The following SEC23IP variants were observed in gnomAD, a reference collection of about 807,000 sequenced individuals.
The protein encoded by SEC23IP is SEC23 interacting protein, also known as SEC23-interacting protein.
In SEC23IP, 70 loss-of-function variants were observed where a neutral mutation model predicts 113.4. The ratio of observed to expected loss-of-function variants is 0.62; its 90% CI spans 0.51 to 0.75. SEC23IP has a LOEUF of 0.75. SEC23IP is among the 30% of genes least tolerant of loss of function. The pLI is 0.00. For synonymous variants in SEC23IP, 398 were observed against 421.0 expected, an observed-to-expected ratio of 0.95 and a Z score of 0.67; for missense variants, 1,160 against 1,204.9, an observed-to-expected ratio of 0.96 and a Z score of 0.55.
chr10:119,904,115 C>T lies in SEC23IP; in HGVS notation c.939C>T (p.Gly313=). 6.2e-7 allele frequency: 1 copy of T among 1,614,158 alleles called. No homozygotes were observed. Among genetic ancestry groups the T allele is most frequent in the South Asian group, 1.1e-5 (1 of 91,086 alleles). The change falls in exon 4 of 19, where the codon GGC becomes GGT. Residue 313 remains glycine (G), a synonymous_variant. Transcript: ENST00000369075. ...VQPDPESVVL[G]TDGGRYDVYL... ...CAGATCCGGAGAGCGTGGTTCTTGG[C>T]ACGGATGGAGGGCGCTACGATGTTT...
At chr10:119,921,089 C>A in intron 12 of SEC23IP, 105 bp downstream of exon 12, 1 of 756,028 alleles carries the variant, frequency 1.3e-6, no homozygotes, top group Non-Finnish European at 2.2e-6. Flanking sequence ...AGCTAGTTTG[C>A]TCCCTACCTA....
chr10:119,895,587 C>T (rs1854252341), intron 1 of SEC23IP, among the ~76,000 whole-genome samples: 1 of 152,172 alleles, frequency 6.6e-6, no homozygotes, highest in Non-Finnish European at 1.5e-5. Flanking sequence ...CTACGGGTAT[C>T]AGGCTGGCTG....
rs139925951 is a variant in SEC23IP at position 119,912,097 on chromosome 10, A to G, written c.1245A>G (p.Gln415=). The G allele has an allele frequency of 8.0e-5, 129 of 1,614,048 alleles. No individual in the cohort carries two copies. The highest frequency in any genetic ancestry group is 1.0e-4 in the Non-Finnish European group (120 of 1,180,014). Residue 415 remains glutamine (Q), a synonymous_variant, in exon 6 of 19, where the codon CAA becomes CAG. Coordinates refer to ENST00000369075, the MANE Select transcript of SEC23IP (RefSeq NM_007190.4). ...SSVPDEWGTT[Q]DGQTRPRVVK... is the part of the protein sequence containing the mutation. ...TGCCAGATGAATGGGGCACCACGCA[A>G]GATGGACAGACAAGGCCCAGGGTTG...
chr10:119,942,964 T>A lies in SEC23IP; in HGVS notation c.*2399T>A, dbSNP rs1564931692. On this transcript the variant is annotated 3_prime_UTR_variant, in exon 19 of 19. Coordinates refer to ENST00000369075, the MANE Select transcript of SEC23IP (RefSeq NM_007190.4). The stretch of plus-strand genomic sequence containing the variant: ...TGAAAAGGAGGAGATGCCGCTATCT[T>A]GGCAGGGATGATCATGTATTTGAAA... 1 of 152,190 alleles carries A rather than the reference T, an allele frequency of 6.6e-6. No individual in the cohort carries two copies. The highest frequency in any genetic ancestry group is 1.5e-5 in the Non-Finnish European group (1 of 68,036). The allele number at this position is 152,190 out of a possible 1,614,324, so 9.4% of individuals were successfully genotyped here.
In SEC23IP at chr10:119,898,408, C is replaced by T; in HGVS notation, c.164-19C>T. 1.3e-6 allele frequency: 2 copies of T among 1,594,372 alleles called. No individual in the cohort carries two copies. Among genetic ancestry groups the T allele is most frequent in the East Asian group, 2.2e-5 (1 of 44,742 alleles). On this transcript the variant is annotated intron_variant, in intron 1 of 18. Coordinates refer to ENST00000369075, the MANE Select transcript of SEC23IP (RefSeq NM_007190.4). Reference sequence around the variant, plus strand: ...GATAGAGTACCCTTTAAACCACATGCTCTCCTGTTCCATTTCAGAGGATTC... The same window carrying T: ...GATAGAGTACCCTTTAAACCACATGTTCTCCTGTTCCATTTCAGAGGATTC...
chr10:119,901,868 G>A (rs955366065), intron 2 of SEC23IP, among the ~76,000 whole-genome samples: 1 of 152,012 alleles, frequency 6.6e-6, no homozygotes, highest in African/African-American at 2.4e-5. Context: ...TGTATTTTTA[G>A]TGGAGACAGG....
intron 2 of SEC23IP, among the ~76,000 whole-genome samples, chr10:119,900,270 C>A (rs912093079): frequency 6.8e-6 from 1 of 146,174 alleles, no homozygotes; most frequent in Non-Finnish European, 1.5e-5. Context: ...TGTATATGTA[C>A]GTGTGTGTGT....
chr10:119,936,940 T>G (rs1232629375), intron 18 of SEC23IP, among the ~76,000 whole-genome samples: 1 of 151,964 alleles, frequency 6.6e-6, no homozygotes, highest in Non-Finnish European at 1.5e-5. Flanking sequence ...CAGGCTGTAG[T>G]GCAGTGGCGT....
chr10:119,923,578 T>A (rs572094056), intron 12 of SEC23IP, among the ~76,000 whole-genome samples: 78 of 151,938 alleles, frequency 5.1e-4, no homozygotes, highest in African/African-American at 1.8e-3. Context: ...AAAGGGAGTC[T>A]TGCTTTGTCT....
At chr10:119,905,512 G>A (rs949650481) in intron 4 of SEC23IP, among the ~76,000 whole-genome samples, 2 of 152,152 alleles carry the variant, frequency 1.3e-5, no homozygotes, top group Non-Finnish European at 2.9e-5. Flanking sequence ...CTTTTGTTCG[G>A]CTTCTTCCAG....
chr10:119,929,575 A>G (rs777539211), intron 13 of SEC23IP, 32 bp from the exon 14 acceptor site: 9 of 1,585,646 alleles, frequency 5.7e-6, no homozygotes, highest in South Asian at 2.2e-5. Context: ...CATTGGAACA[A>G]TCATCTTTCA....
At chr10:119,930,247 T>C in intron 14 of SEC23IP, 82 bp from the exon 15 acceptor site, 1 of 689,936 alleles carries the variant, frequency 1.4e-6, no homozygotes, top group Non-Finnish European at 2.4e-6. Context: ...CATGTATCCA[T>C]TTTCTTACCC....
At position 119,933,673 on chromosome 10, in the gene SEC23IP, T is replaced by C. The variant is rs779968471; in HGVS notation, c.2922-13T>C. The C allele has an allele frequency of 7.0e-7, 1 of 1,422,550 alleles. No individual in the cohort carries two copies. The highest frequency in any genetic ancestry group is 1.2e-5 in the South Asian group (1 of 85,698). The allele number at this position is 1,422,550 out of a possible 1,614,324, so 88.1% of individuals were successfully genotyped here. On this transcript the variant is annotated splice_polypyrimidine_tract_variant and intron_variant, in intron 17 of 18. Coordinates refer to ENST00000369075, the MANE Select transcript of SEC23IP (RefSeq NM_007190.4). ...AATTGTCTCTTAAGTAAATATGCTT[T>C]TCCTTTTCATAGGGAATCTGAAGAT... is the stretch of plus-strand genomic sequence containing the variant.
At position 119,943,319 on chromosome 10, in the gene SEC23IP, A is replaced by G. The variant is rs909110675; in HGVS notation, c.*2754A>G. 2.0e-5 allele frequency: 3 copies of G among 152,216 alleles called. No homozygotes were observed. Among genetic ancestry groups the G allele is most frequent in the Non-Finnish European group, 4.4e-5 (3 of 68,064 alleles). The allele number at this position is 152,216 out of a possible 1,614,324, so 9.4% of individuals were successfully genotyped here. A position where few individuals can be genotyped will look rare whatever the true frequency, so the allele number is the denominator to read the frequency against. On this transcript the variant is annotated 3_prime_UTR_variant, in exon 19 of 19. Coordinates refer to ENST00000369075, the MANE Select transcript of SEC23IP (RefSeq NM_007190.4). ...TTCCTCTATGAGCTGGGGTGCTGACATTGTGTTCCTGCTGTTGACTGTCCC... is the reference window on the plus strand; with the variant it reads ...TTCCTCTATGAGCTGGGGTGCTGACGTTGTGTTCCTGCTGTTGACTGTCCC...
In SEC23IP at chr10:119,898,491, C is replaced by T. The variant is rs1469617019; in HGVS notation, c.228C>T (p.Ala76=). ...FLGQTSIHTS[A]PQTFSYFSQV... ...GTCAGACTTCTATTCACACATCTGC[C>T]CCACAGACATTTAGTTACTTCTCTC... Residue 76 remains alanine (A), a synonymous_variant, in exon 2 of 19, where the codon GCC becomes GCT. Transcript: ENST00000369075. The T allele has an allele frequency of 1.2e-6, 2 of 1,614,076 alleles. No homozygotes were observed. The highest frequency in any genetic ancestry group is 3.3e-5 in the Admixed American group (2 of 60,010).
At chr10:119,903,319 G>A (rs1357075668) in intron 3 of SEC23IP, among the ~76,000 whole-genome samples, 1 of 152,186 alleles carries the variant, frequency 6.6e-6, no homozygotes, top group Non-Finnish European at 1.5e-5. Context: ...TTTATAAAGG[G>A]CATTCTGTGG....
intron 10 of SEC23IP, 96 bp from the exon 11 acceptor site, chr10:119,919,348 G>T: frequency 2.5e-6 from 3 of 1,183,546 alleles, no homozygotes; most frequent in Non-Finnish European, 3.5e-6. Flanking sequence ...TGATTTCTGT[G>T]TAAAGCAAAA....
Position 119,919,479 on chromosome 10 carries a change from G to A in SEC23IP, c.1908G>A (p.Ser636=), listed in dbSNP as rs145297605. The A allele has an allele frequency of 1.4e-4, 233 of 1,612,124 alleles. No individual in the cohort carries two copies. In the African/African-American group the frequency reaches 1.9e-3, roughly 13 times the overall value. The change falls in exon 11 of 19, where the codon TCG becomes TCA. Residue 636 remains serine (S), a synonymous_variant. Coordinates refer to ENST00000369075, the MANE Select transcript of SEC23IP (RefSeq NM_007190.4). ...AGCCAAAGCTGACTTTGGATGAGTCGTATGACCTTGTTGTTGAAAATAAAG... is the reference window on the plus strand; with the variant it reads ...AGCCAAAGCTGACTTTGGATGAGTCATATGACCTTGTTGTTGAAAATAAAG... ...PEEPKLTLDE[S]YDLVVENKEV...
chr10:119,933,714 C>T lies in SEC23IP; in HGVS notation c.2950C>T (p.Leu984Phe), dbSNP rs751145632. The change falls in exon 18 of 19, where the codon CTT becomes TTT. Residue 984 changes from leucine to phenylalanine, a missense_variant. Leu to Phe is a conservative substitution (Grantham distance 22). Transcript: ENST00000369075. ...ATCTGAAGATACTGCTCTGTTACTA[C>T]TTAAAGAAATTTATCGAACAATGAA... ...WESEDTALLL[L>F]KEIYRTMNIS... The T allele has an allele frequency of 1.2e-5, 19 of 1,591,442 alleles. No individual in the cohort carries two copies. Among genetic ancestry groups the T allele is most frequent in the Non-Finnish European group, 1.6e-5 (18 of 1,159,888 alleles).
Sources: allele counts gnomAD v4.1 joint callset (sites outside exome capture counted in the v4.1 genomes callset), GRCh38; gene constraint gnomAD v4.1.1; transcripts MANE v1.5; gene names NCBI Gene and HGNC (gene_info 2026-07-23, HGNC 2026-07-21).